ANXA4: variants seen among roughly 807,000 people sequenced by gnomAD.
The protein encoded by ANXA4 is 35-beta calcimedin.
ANXA4 carries 39 observed loss-of-function variants against 49.8 expected under a neutral mutation model. The ratio of observed to expected loss-of-function variants is 0.78; its 90% CI spans 0.61 to 1.02. The LOEUF (loss-of-function observed/expected upper bound fraction) is 1.02, where lower values mean the gene tolerates loss of function less well. ANXA4 is among the 50% of genes least tolerant of loss of function. ANXA4 has a pLI of 0.00. For synonymous variants in ANXA4, 134 were observed against 152.5 expected (o/e 0.88, Z 0.89); for missense variants, 360 against 410.1 (o/e 0.88, Z 1.05).
chr2:69,802,019 C>T (rs1673220661), intron 3 of ANXA4, among the ~76,000 whole-genome samples: 1 of 152,136 alleles, frequency 6.6e-6, no homozygotes, highest in Non-Finnish European at 1.5e-5. Flanking sequence ...CACAATATTT[C>T]AAGAGCTGAG....
intron 3 of ANXA4, chr2:69,803,286 T>A (rs1673298476): frequency 6.6e-6 from 1 of 152,118 alleles, no homozygotes; most frequent in Admixed American, 6.5e-5. Context: ...TCTTTTTGCA[T>A]CTCTAACCTT....
At chr2:69,790,533 G>A (rs908506853) in intron 3 of ANXA4, among the ~76,000 whole-genome samples, 7 of 152,298 alleles carry the variant, frequency 4.6e-5, no homozygotes, top group Admixed American at 2.0e-4. Flanking sequence ...ACTATAGGCC[G>A]TAACCATGAC....
Position 69,812,720 on chromosome 2 carries a change from C to A in ANXA4, c.534+11C>A, listed in dbSNP as rs1005556813. ...AGACAGGATGCCCAGGTTGGTAGAA[C>A]TGCAGCTTCTTTCTTCCAGCTTTCT... On this transcript the variant is annotated intron_variant, in intron 8 of 12. Transcript: ENST00000394295. The A allele has an allele frequency of 1.2e-6, 2 of 1,613,570 alleles. No individual in the cohort carries two copies. Among genetic ancestry groups the A allele is most frequent in the African/African-American group, 1.3e-5 (1 of 74,902 alleles).
At chr2:69,651,821 G>A (rs1298223719) in intron 1 of ANXA4, among the ~76,000 whole-genome samples, 6 of 41,516 alleles carry the variant, frequency 1.4e-4, no homozygotes, top group African/African-American at 6.9e-4. Flanking sequence ...TTTTTTTGGG[G>A]GGGGGGGGCG....
intron 1 of ANXA4, among the ~76,000 whole-genome samples, chr2:69,753,823 G>A (rs1421913615): frequency 6.6e-6 from 1 of 152,258 alleles, no homozygotes; most frequent in African/African-American, 2.4e-5. Flanking sequence ...AAGGAAGAAG[G>A]AAGGTGTAGT....
intron 2 of ANXA4, among the ~76,000 whole-genome samples, chr2:69,702,022 A>G (rs1186415903): frequency 6.6e-6 from 1 of 151,854 alleles, no homozygotes; most frequent in Admixed American, 6.6e-5. Flanking sequence ...TTATTTATAT[A>G]TATTTTTGAG....
At chr2:69,743,501 A>G (rs1381313773) in intron 1 of ANXA4, among the ~76,000 whole-genome samples, 1 of 152,176 alleles carries the variant, frequency 6.6e-6, no homozygotes, top group Non-Finnish European at 1.5e-5. Flanking sequence ...TACAGGCATG[A>G]GCCACCGTGC....
At chr2:69,732,548 C>T (rs527526366) in intron 3 of ANXA4, among the ~76,000 whole-genome samples, 6 of 151,872 alleles carry the variant, frequency 4.0e-5, no homozygotes, top group South Asian at 4.2e-4. Flanking sequence ...CACCTGAGGT[C>T]GGGAGTTCGA....
chr2:69,694,472 C>T (rs1330332407), intron 2 of ANXA4, among the ~76,000 whole-genome samples: 1 of 150,182 alleles, frequency 6.7e-6, no homozygotes, highest in South Asian at 2.1e-4. Flanking sequence ...CCCATTAACT[C>T]GTCATTTAGC....
upstream of ANXA4, chr2:69,643,907 G>C: frequency 8.6e-7 from 1 of 1,162,108 alleles, no homozygotes; most frequent in East Asian, 4.0e-5. Flanking sequence ...CGCGAGAAGA[G>C]GACTGGGGGA....
intron 4 of ANXA4, among the ~76,000 whole-genome samples, chr2:69,805,328 G>T (rs1048621572): frequency 3.6e-4 from 54 of 152,106 alleles, no homozygotes; most frequent in African/African-American, 1.3e-3. Context: ...ATTAGGCTGG[G>T]TGTGGTGGCT....
intron 11 of ANXA4, 58 bp downstream of exon 11, chr2:69,819,396 T>C: frequency 7.7e-7 from 1 of 1,305,414 alleles, no homozygotes. Context: ...GTCCACCTTC[T>C]TAAGCTTACT....
At chr2:69,801,390 C>A (rs1381226557) in intron 3 of ANXA4, among the ~76,000 whole-genome samples, 1 of 149,724 alleles carries the variant, frequency 6.7e-6, no homozygotes, top group African/African-American at 2.5e-5. Flanking sequence ...TTTGCCCTCA[C>A]TATCTGTTTT....
intron 2 of ANXA4, among the ~76,000 whole-genome samples, chr2:69,681,064 A>G (rs150305817): frequency 6.6e-6 from 1 of 152,276 alleles, no homozygotes; most frequent in East Asian, 1.9e-4. Flanking sequence ...TTTTTGGAAT[A>G]GTTTGAGAAG....
intron 2 of ANXA4, among the ~76,000 whole-genome samples, chr2:69,704,389 A>G (rs187424778): frequency 1.3e-5 from 2 of 152,330 alleles, no homozygotes; most frequent in African/African-American, 4.8e-5. Flanking sequence ...AAACCACCCA[A>G]TACTTAGCGT....
rs575106638 is a variant in ANXA4 at position 69,773,177 on chromosome 2, C to G, written c.-46-8343C>G. The stretch of plus-strand genomic sequence containing the variant: ...ACCCAGTGTTCAAGTATGATACCTT[C>G]TTTTTCCTTAAGTGAAATATTTCTA... On this transcript the variant is annotated intron_variant, in intron 1 of 12. Transcript: ENST00000394295. 1.2e-4 allele frequency among the ~76,000 whole-genome samples: 18 copies of G among 152,280 alleles called. No homozygotes were observed. In the South Asian group the frequency reaches 2.7e-3, roughly 23 times the overall value.
At chr2:69,744,644 C>G (rs1009475261) in intron 1 of ANXA4, among the ~76,000 whole-genome samples, 1 of 152,154 alleles carries the variant, frequency 6.6e-6, no homozygotes, top group African/African-American at 2.4e-5. Flanking sequence ...CTTATCTAAT[C>G]TTCACTTCAA....
At chr2:69,793,455 G>A (rs902413032) in intron 3 of ANXA4, among the ~76,000 whole-genome samples, 3 of 151,948 alleles carry the variant, frequency 2.0e-5, no homozygotes, top group Admixed American at 1.3e-4. Flanking sequence ...TGATTTAAGC[G>A]CTTATTTTTC....
At chr2:69,752,535 T>A (rs1670886827) in intron 1 of ANXA4, among the ~76,000 whole-genome samples, 1 of 152,150 alleles carries the variant, frequency 6.6e-6, no homozygotes, top group Non-Finnish European at 1.5e-5. Flanking sequence ...CTGATTGACA[T>A]AATCTGGGTC....
Sources: gnomAD v4.1 joint callset for allele counts (sites outside exome capture counted in the v4.1 genomes callset) on GRCh38, gnomAD v4.1.1 for gene constraint, MANE v1.5 for transcripts, NCBI Gene and HGNC (gene_info 2026-07-23, HGNC 2026-07-21) for gene names.